Variants in LIPC observed in about 807,000 individuals in gnomAD.
LIPC encodes the protein hepatic triacylglycerol lipase.
LIPC carries 44 observed loss-of-function variants against 50.7 expected under a neutral mutation model. The ratio of observed to expected loss-of-function variants is 0.87; its 90% CI spans 0.68 to 1.11. LIPC has a LOEUF of 1.11. LIPC is among the 50% of genes most tolerant of loss of function. LIPC has a pLI of 0.00. For synonymous variants in LIPC, 271 were observed against 256.4 expected, an observed-to-expected ratio of 1.06 and a Z score of -0.54; for missense variants, 697 against 648.2, an observed-to-expected ratio of 1.08 and a Z score of -0.82.
chr15:58,565,333 AGGTGGCTG>A, intron 8 of LIPC: 1 of 1,533,294 alleles, frequency 6.5e-7, no homozygotes, highest in Non-Finnish European at 8.7e-7. Context: ...TCCTCAGTTT[AGGTGGCTG>A]CTCACCCTGA....
intron 8 of LIPC, among the ~76,000 whole-genome samples, chr15:58,568,378 A>G (rs1258786316): frequency 6.6e-6 from 1 of 152,266 alleles, no homozygotes; most frequent in African/African-American, 2.4e-5. Flanking sequence ...TTTGCCCTGA[A>G]GTCAAGGCAA....
At chr15:58,496,063 A>T (rs933849919) in intron 1 of LIPC, among the ~76,000 whole-genome samples, 1 of 152,184 alleles carries the variant, frequency 6.6e-6, no homozygotes. Context: ...CCAGGACAGA[A>T]ACCCAAGCCT....
chr15:58,436,991 T>C (rs754414338), intron 1 of LIPC: 12 of 403,598 alleles, frequency 3.0e-5, no homozygotes, highest in South Asian at 1.9e-5. Context: ...CTGGAAACAA[T>C]GTGAATGCCC....
intron 1 of LIPC, among the ~76,000 whole-genome samples, chr15:58,487,268 T>C (rs536598662): frequency 6.6e-6 from 1 of 152,334 alleles, no homozygotes; most frequent in African/African-American, 2.4e-5. Context: ...GACTTAACCT[T>C]GTAGAGCTTC....
intron 1 of LIPC, chr15:58,432,357 T>C: frequency 1.8e-6 from 1 of 563,710 alleles, no homozygotes; most frequent in African/African-American, 1.9e-5. Context: ...CAGCTAGCAG[T>C]GAAGTCTCTT....
intron 1 of LIPC, 146 bp from the exon 2 acceptor site, chr15:58,538,187 C>G (rs1893199852): frequency 3.6e-6 from 3 of 826,206 alleles, no homozygotes; most frequent in Non-Finnish European, 6.2e-6. Context: ...GTCTTTGGGG[C>G]TCCCCACAGT....
At chr15:58,493,350 A>C (rs1891648633) in intron 1 of LIPC, among the ~76,000 whole-genome samples, 1 of 152,050 alleles carries the variant, frequency 6.6e-6, no homozygotes, top group Non-Finnish European at 1.5e-5. Flanking sequence ...TATGTCACAA[A>C]ACTGGGGCAT....
intron 1 of LIPC, among the ~76,000 whole-genome samples, chr15:58,462,677 G>A (rs17301781): frequency 0.1 from 15,893 of 152,148 alleles, 1,103 homozygotes; most frequent in East Asian, 0.21. Flanking sequence ...CTGTCAGCTC[G>A]GTTTGCTCAC....
intron 6 of LIPC, among the ~76,000 whole-genome samples, chr15:58,558,370 A>G (rs1161935715): frequency 1.3e-5 from 2 of 152,156 alleles, no homozygotes; most frequent in African/African-American, 4.8e-5. Flanking sequence ...GTGCCCAGCC[A>G]GCTGTTTTCT....
At chr15:58,453,277 C>T (rs1383321824) in intron 1 of LIPC, among the ~76,000 whole-genome samples, 1 of 152,148 alleles carries the variant, frequency 6.6e-6, no homozygotes, top group Non-Finnish European at 1.5e-5. Flanking sequence ...AAACTCCATC[C>T]TCATATCCCC....
At chr15:58,490,648 T>C (rs1303035512) in intron 1 of LIPC, among the ~76,000 whole-genome samples, 2 of 152,186 alleles carry the variant, frequency 1.3e-5, no homozygotes, top group African/African-American at 2.4e-5. Flanking sequence ...CTCCAGTGAA[T>C]ATAAATTAAA....
intron 6 of LIPC, among the ~76,000 whole-genome samples, chr15:58,552,199 G>A (rs1893786250): frequency 6.6e-6 from 1 of 152,210 alleles, no homozygotes; most frequent in African/African-American, 2.4e-5. Flanking sequence ...GGGGCACTCT[G>A]CCCGGGCACT....
rs1891529117 is a variant in LIPC at position 58,489,970 on chromosome 15, G to A, written c.89-48363G>A. On this transcript the variant is annotated intron_variant, in intron 1 of 8. Transcript: ENST00000299022. The stretch of plus-strand genomic sequence containing the variant: ...ATTTCTCTGTCATCATTTCACAAAG[G>A]CAGTTTCACTGTGACCTGCTAATAC... Among the ~76,000 whole-genome samples, 3 of 152,060 alleles carry A rather than the reference G, an allele frequency of 2.0e-5. No homozygotes were observed. In the South Asian group the frequency reaches 6.2e-4, roughly 32 times the overall value.
At chr15:58,494,117 G>A (rs1891686162) in intron 1 of LIPC, among the ~76,000 whole-genome samples, 1 of 152,214 alleles carries the variant, frequency 6.6e-6, no homozygotes, top group Non-Finnish European at 1.5e-5. Context: ...TGCCATGGGG[G>A]CCTCTCCCTA....
intron 1 of LIPC, among the ~76,000 whole-genome samples, chr15:58,530,702 C>A (rs1387917078): frequency 6.6e-6 from 1 of 152,224 alleles, no homozygotes; most frequent in Non-Finnish European, 1.5e-5. Flanking sequence ...AATCACTGAT[C>A]TGCTCTCAAT....
chr15:58,467,673 A>C (rs1391332592), intron 1 of LIPC, among the ~76,000 whole-genome samples: 2 of 152,216 alleles, frequency 1.3e-5, no homozygotes, highest in East Asian at 1.9e-4. Context: ...GCCCATTCTC[A>C]AATGCAGTAA....
chr15:58,444,301 T>C (rs1412119293), intron 1 of LIPC, among the ~76,000 whole-genome samples: 1 of 152,182 alleles, frequency 6.6e-6, no homozygotes, highest in Non-Finnish European at 1.5e-5. Flanking sequence ...CACTCATTCC[T>C]GGAAGATAAA....
At chr15:58,548,268 C>G (rs1293233753) in intron 5 of LIPC, 62 bp from the exon 6 acceptor site, 19 of 1,611,968 alleles carry the variant, frequency 1.2e-5, no homozygotes, top group Non-Finnish European at 1.6e-5. Context: ...CCAAGGTGAT[C>G]CTCTGAGTTG....
chr15:58,463,807 G>A (rs553425186), intron 1 of LIPC, among the ~76,000 whole-genome samples: 1 of 152,108 alleles, frequency 6.6e-6, no homozygotes, highest in South Asian at 2.1e-4. Flanking sequence ...TCCAATAAAG[G>A]CATTCATCTC....
Sources: allele counts gnomAD v4.1 joint callset (sites outside exome capture counted in the v4.1 genomes callset), GRCh38; gene constraint gnomAD v4.1.1; transcripts MANE v1.5; gene names NCBI Gene and HGNC (gene_info 2026-07-23, HGNC 2026-07-21).